The following GRIA4 variants were observed in gnomAD, a reference collection of about 807,000 sequenced individuals.
The protein encoded by GRIA4 is glutamate receptor 4.
Under a neutral mutation model 104.0 loss-of-function variants are expected in GRIA4, and 34 were observed. The observed-to-expected ratio is 0.33, with a 90% CI of 0.25 to 0.44. GRIA4 has a LOEUF of 0.44. Among genes scored for constraint, GRIA4 ranks in the 20% least tolerant of loss-of-function variants. The pLI is 1.00. For missense variants in GRIA4, 750 were observed against 1,096.5 expected (o/e 0.68, Z 4.46); for synonymous variants, 386 against 381.9 (o/e 1.01, Z -0.13).
intron 10 of GRIA4, chr11:105,912,404 G>T (rs1240943205): frequency 1.0e-6 from 1 of 959,194 alleles, no homozygotes; most frequent in Non-Finnish European, 1.2e-6. Flanking sequence ...TAAAGGGACT[G>T]GACAAATAAA....
intron 4 of GRIA4, among the ~76,000 whole-genome samples, chr11:105,817,686 T>A (rs1351174885): frequency 6.6e-6 from 1 of 152,132 alleles, no homozygotes; most frequent in Non-Finnish European, 1.5e-5. Flanking sequence ...CTTGTAAGAT[T>A]TATATTTTGA....
intron 14 of GRIA4, among the ~76,000 whole-genome samples, chr11:105,967,703 CA>C (rs5794444): frequency 0.067 from 9,721 of 146,124 alleles, 412 homozygotes; most frequent in East Asian, 0.15. Context: ...GTTTGTATAC[CA>C]AAAAAAAAAA....
At chr11:105,758,477 A>C (rs945371478) in intron 4 of GRIA4, among the ~76,000 whole-genome samples, 1 of 152,170 alleles carries the variant, frequency 6.6e-6, no homozygotes, top group Admixed American at 6.6e-5. Context: ...TAAAGCAATA[A>C]ATTTGCAAAT....
chr11:105,612,329 A>G lies in GRIA4; in HGVS notation c.142A>G (p.Ile48Val), dbSNP rs766289231. The G allele has an allele frequency of 1.2e-6, 2 of 1,614,034 alleles. No individual in the cohort carries two copies. Among genetic ancestry groups the G allele is most frequent in the Non-Finnish European group, 8.5e-7 (1 of 1,179,952 alleles). The change falls in exon 3 of 17, where the codon ATT becomes GTT. Residue 48 changes from isoleucine to valine, a missense_variant. Coordinates refer to ENST00000282499, the MANE Select transcript of GRIA4 (RefSeq NM_000829.4). ...GGAATACACTGCTTTTCGATTAGCA[A>G]TTTTTCTTCATAACACCAGCCCCAA... ...DQEYTAFRLA[I>V]FLHNTSPNAS...
chr11:105,912,875 A>G (rs1947296289), intron 10 of GRIA4: 1 of 981,588 alleles, frequency 1.0e-6, no homozygotes, highest in Non-Finnish European at 1.2e-6. Context: ...AATTATCCCC[A>G]GATTCAGCTG....
At chr11:105,723,460 C>T (rs1437965170) in intron 3 of GRIA4, among the ~76,000 whole-genome samples, 4 of 151,848 alleles carry the variant, frequency 2.6e-5, no homozygotes, top group Admixed American at 6.6e-5. Flanking sequence ...AACGATTGGT[C>T]AGCATTTATG....
intron 3 of GRIA4, among the ~76,000 whole-genome samples, chr11:105,697,775 T>G (rs1274161862): frequency 2.6e-5 from 4 of 152,192 alleles, no homozygotes; most frequent in African/African-American, 7.2e-5. Context: ...GAGTCTTTTA[T>G]GCCAACATGT....
intron 9 of GRIA4, among the ~76,000 whole-genome samples, chr11:105,906,449 G>A (rs1164687750): frequency 6.6e-6 from 1 of 152,126 alleles, no homozygotes; most frequent in Non-Finnish European, 1.5e-5. Context: ...TGAAATGGAA[G>A]GGGCAACAAC....
intron 3 of GRIA4, among the ~76,000 whole-genome samples, chr11:105,700,295 G>T (rs1164026929): frequency 6.6e-6 from 1 of 152,148 alleles, no homozygotes; most frequent in Non-Finnish European, 1.5e-5. Context: ...ACCTCAGATA[G>T]GTGAACATAT....
intron 3 of GRIA4, among the ~76,000 whole-genome samples, chr11:105,715,467 T>C (rs1464298616): frequency 2.0e-5 from 3 of 152,166 alleles, no homozygotes; most frequent in African/African-American, 7.2e-5. Flanking sequence ...TACAGATAGA[T>C]GTTGCTCTCT....
At chr11:105,614,507 G>A (rs1950552136) in intron 3 of GRIA4, 1 of 151,900 alleles carries the variant, frequency 6.6e-6, no homozygotes. Flanking sequence ...GAAACGTAGA[G>A]TATGTTATTC....
intron 4 of GRIA4, among the ~76,000 whole-genome samples, chr11:105,810,918 T>TA (rs528449960): frequency 1.4e-4 from 21 of 151,970 alleles, no homozygotes; most frequent in Admixed American, 3.9e-4. Flanking sequence ...GCATTTTTTT[T>TA]AAAAAAAACT....
At chr11:105,849,106 C>T (rs916237897) in intron 4 of GRIA4, among the ~76,000 whole-genome samples, 1 of 152,108 alleles carries the variant, frequency 6.6e-6, no homozygotes, top group Non-Finnish European at 1.5e-5. Context: ...ATAGGAAAAT[C>T]ACTTGAACCT....
intron 14 of GRIA4, among the ~76,000 whole-genome samples, chr11:105,934,497 A>G (rs544990467): frequency 6.6e-6 from 1 of 152,244 alleles, no homozygotes; most frequent in East Asian, 1.9e-4. Context: ...TATTTATAAA[A>G]GCAATCACAG....
chr11:105,977,122 T>G (rs1859020001), intron 16 of GRIA4, among the ~76,000 whole-genome samples: 1 of 152,072 alleles, frequency 6.6e-6, no homozygotes, highest in Non-Finnish European at 1.5e-5. Context: ...ATTACCAGGC[T>G]TTTATTAATG....
At chr11:105,709,362 A>G (rs1174780330) in intron 3 of GRIA4, among the ~76,000 whole-genome samples, 1 of 152,158 alleles carries the variant, frequency 6.6e-6, no homozygotes, top group Non-Finnish European at 1.5e-5. Flanking sequence ...ATGGAAGGGA[A>G]ACAGAAAATC....
At chr11:105,854,423 G>C (rs531146638) in intron 4 of GRIA4, among the ~76,000 whole-genome samples, 2 of 152,298 alleles carry the variant, frequency 1.3e-5, no homozygotes, top group African/African-American at 4.8e-5. Flanking sequence ...CAGATGTCTG[G>C]TGATGTTTGA....
At chr11:105,646,662 G>A (rs1193096412) in intron 3 of GRIA4, among the ~76,000 whole-genome samples, 3 of 152,068 alleles carry the variant, frequency 2.0e-5, no homozygotes, top group Non-Finnish European at 2.9e-5. Context: ...TCTGATCTTC[G>A]ACAAAGCTGA....
intron 3 of GRIA4, among the ~76,000 whole-genome samples, chr11:105,640,790 T>C (rs1250194218): frequency 6.6e-6 from 1 of 152,082 alleles, no homozygotes; most frequent in Non-Finnish European, 1.5e-5. Context: ...CATTGAATAT[T>C]GTTATGCATT....
Sources: gnomAD v4.1 joint callset for allele counts (sites outside exome capture counted in the v4.1 genomes callset) on GRCh38, gnomAD v4.1.1 for gene constraint, MANE v1.5 for transcripts, NCBI Gene and HGNC (gene_info 2026-07-23, HGNC 2026-07-21) for gene names.